The following COX7B2 variants were observed in gnomAD, a reference collection of about 807,000 sequenced individuals.
The protein encoded by COX7B2 is cytochrome c oxidase subunit 7B2.
For synonymous variants in COX7B2, 37 were observed against 32.1 expected (o/e 1.15, Z -0.51); for missense variants, 109 against 95.9 (o/e 1.14, Z -0.57).
At chr4:46,840,983 G>C (rs1229054091) in intron 2 of COX7B2, among the ~76,000 whole-genome samples, 1 of 151,972 alleles carries the variant, frequency 6.6e-6, no homozygotes, top group Non-Finnish European at 1.5e-5. Context: ...AAGACAAAGG[G>C]AGGCAAAGAA....
At chr4:46,823,813 C>A (rs1714482868) in intron 2 of COX7B2, among the ~76,000 whole-genome samples, 1 of 149,416 alleles carries the variant, frequency 6.7e-6, no homozygotes, top group African/African-American at 2.5e-5. Context: ...AAGAAGCAAA[C>A]AAAGTTAAAT....
chr4:46,822,146 C>T (rs1002224560), intron 2 of COX7B2, among the ~76,000 whole-genome samples: 2 of 152,158 alleles, frequency 1.3e-5, no homozygotes, highest in Non-Finnish European at 2.9e-5. Context: ...CTCCTGACCT[C>T]GTGATCCGTC....
intron 2 of COX7B2, among the ~76,000 whole-genome samples, chr4:46,748,945 T>C (rs1715183821): frequency 6.6e-6 from 1 of 152,182 alleles, no homozygotes; most frequent in Non-Finnish European, 1.5e-5. Flanking sequence ...ATGAACTCTC[T>C]TGTTACTTCC....
At chr4:46,749,785 A>G (rs1715238870) in intron 2 of COX7B2, among the ~76,000 whole-genome samples, 1 of 152,182 alleles carries the variant, frequency 6.6e-6, no homozygotes, top group South Asian at 2.1e-4. Context: ...TGTCAGGCCT[A>G]ATGCTTTCAT....
chr4:46,825,903 T>C (rs1335805577), intron 2 of COX7B2, among the ~76,000 whole-genome samples: 2 of 152,052 alleles, frequency 1.3e-5, no homozygotes, highest in Non-Finnish European at 2.9e-5. Context: ...GGTTTAAATG[T>C]AAAACCCAAA....
intron 1 of COX7B2, among the ~76,000 whole-genome samples, chr4:46,854,081 T>G (rs948839981): frequency 6.6e-6 from 1 of 152,170 alleles, no homozygotes; most frequent in Non-Finnish European, 1.5e-5. Context: ...ATTTTAAAAT[T>G]AGACTACTTG....
chr4:46,739,569 G>T (rs1373779076), intron 2 of COX7B2, among the ~76,000 whole-genome samples: 1 of 152,098 alleles, frequency 6.6e-6, no homozygotes, highest in Non-Finnish European at 1.5e-5. Flanking sequence ...CTAGCACAGG[G>T]TGTATTTAGT....
intron 1 of COX7B2, among the ~76,000 whole-genome samples, chr4:46,894,852 T>C (rs1337465466): frequency 6.6e-6 from 1 of 152,146 alleles, no homozygotes; most frequent in Non-Finnish European, 1.5e-5. Context: ...AAAGAAGACA[T>C]ACATGCATCC....
intron 1 of COX7B2, among the ~76,000 whole-genome samples, chr4:46,888,880 C>A (rs1335946518): frequency 6.6e-6 from 1 of 152,112 alleles, no homozygotes; most frequent in Non-Finnish European, 1.5e-5. Context: ...AAACACGCAC[C>A]AACAGATATC....
At chr4:46,759,168 TAAAATCTACGG>T (rs534247677) in intron 2 of COX7B2, among the ~76,000 whole-genome samples, 171 of 152,078 alleles carry the variant, frequency 1.1e-3, no homozygotes, top group African/African-American at 4.0e-3. Context: ...ATTCCAAAAT[TAAAATCTACGG>T]AAAATGAGGA....
intron 2 of COX7B2, among the ~76,000 whole-genome samples, chr4:46,784,622 C>CA (rs533957821): frequency 8.8e-4 from 133 of 151,154 alleles, no homozygotes; most frequent in African/African-American, 2.9e-3. Flanking sequence ...AAGACTGTCT[C>CA]AAAAAAAAGA....
chr4:46,791,063 G>A (rs1220100286), intron 2 of COX7B2, among the ~76,000 whole-genome samples: 1 of 152,076 alleles, frequency 6.6e-6, no homozygotes, highest in Non-Finnish European at 1.5e-5. Context: ...GCAGTGGCGC[G>A]ATCTCGGCTC....
intron 2 of COX7B2, among the ~76,000 whole-genome samples, chr4:46,741,899 A>G (rs1714738280): frequency 6.6e-6 from 1 of 152,146 alleles, no homozygotes. Context: ...GGAGAGTTTT[A>G]TCATCAGAAA....
At chr4:46,816,332 C>T (rs1441837079) in intron 2 of COX7B2, among the ~76,000 whole-genome samples, 1 of 152,138 alleles carries the variant, frequency 6.6e-6, no homozygotes, top group Non-Finnish European at 1.5e-5. Context: ...GCTGTTCTCT[C>T]GGCCTTGAAT....
At chr4:46,841,504 G>T (rs1359110298) in intron 2 of COX7B2, among the ~76,000 whole-genome samples, 1 of 151,876 alleles carries the variant, frequency 6.6e-6, no homozygotes, top group Non-Finnish European at 1.5e-5. Flanking sequence ...GTTAATTCGT[G>T]TTTGGGATAA....
intron 2 of COX7B2, among the ~76,000 whole-genome samples, chr4:46,791,666 T>A (rs559422538): frequency 6.6e-6 from 1 of 152,312 alleles, no homozygotes; most frequent in Non-Finnish European, 1.5e-5. Flanking sequence ...TTTCCTTCCA[T>A]GCAACAAAGT....
At chr4:46,850,983 A>T (rs543479685) in intron 1 of COX7B2, among the ~76,000 whole-genome samples, 4 of 152,232 alleles carry the variant, frequency 2.6e-5, no homozygotes, top group African/African-American at 9.6e-5. Context: ...TCGGATGTGA[A>T]CTAAGAAATA....
intron 1 of COX7B2, among the ~76,000 whole-genome samples, chr4:46,876,060 A>AT (rs1311556901): frequency 2.0e-5 from 3 of 152,198 alleles, no homozygotes; most frequent in Admixed American, 6.5e-5. Context: ...TCATTATGCA[A>AT]TTTTTTTCAT....
chr4:46,875,619 C>A (rs1718271111), intron 1 of COX7B2, among the ~76,000 whole-genome samples: 1 of 151,870 alleles, frequency 6.6e-6, no homozygotes, highest in South Asian at 2.1e-4. Flanking sequence ...AAGGCCCATA[C>A]TCCCTACACT....
Sources: allele counts gnomAD v4.1 joint callset (sites outside exome capture counted in the v4.1 genomes callset), GRCh38; gene constraint gnomAD v4.1.1; transcripts MANE v1.5; gene names NCBI Gene and HGNC (gene_info 2026-07-23, HGNC 2026-07-21).